The following APOBEC1 variants were observed in gnomAD, a reference collection of about 807,000 sequenced individuals.
The protein encoded by APOBEC1 is C->U-editing enzyme APOBEC-1.
A neutral mutation model predicts 26.3 loss-of-function variants in APOBEC1; 22 were observed. That is an observed-to-expected ratio of 0.84 (90% confidence interval 0.60 to 1.19). The LOEUF (loss-of-function observed/expected upper bound fraction) is 1.19. APOBEC1 is among the 50% of genes most tolerant of loss of function. The pLI, the probability that APOBEC1 is intolerant of heterozygous loss-of-function variation, is 0.00. For missense variants in APOBEC1, 253 were observed against 289.0 expected (o/e 0.88, Z 0.90); for synonymous variants, 77 against 95.3 (o/e 0.81, Z 1.12).
chr12:7,660,390 A>AGGAC (rs1565442438), intron 1 of APOBEC1, among the ~76,000 whole-genome samples: 46 of 101,414 alleles, frequency 4.5e-4, no homozygotes, highest in Non-Finnish European at 7.9e-4. Flanking sequence ...GAAAGAAAGA[A>AGGAC]AGAAAGAAAG....
At chr12:7,665,808 A>G (rs1389109322) in intron 1 of APOBEC1, 49 bp downstream of exon 1, 1 of 1,271,288 alleles carries the variant, frequency 7.9e-7, no homozygotes, top group African/African-American at 1.8e-5. Flanking sequence ...CACACACACC[A>G]TTCTTGCATT....
At chr12:7,667,378 T>C (rs1410151007), upstream of APOBEC1, among the ~76,000 whole-genome samples, 1 of 152,130 alleles carries the variant, frequency 6.6e-6, no homozygotes, top group Non-Finnish European at 1.5e-5. Flanking sequence ...CTCCCTCTAG[T>C]GTCTCAAATC....
intron 1 of APOBEC1, among the ~76,000 whole-genome samples, chr12:7,657,588 C>G (rs939109296): frequency 8.5e-6 from 1 of 117,956 alleles, no homozygotes; most frequent in Non-Finnish European, 2.0e-5. Context: ...AAAAAACAAA[C>G]CAGGCTGTAG....
chr12:7,653,151 C>T (rs183088817), intron 2 of APOBEC1, among the ~76,000 whole-genome samples: 10 of 152,064 alleles, frequency 6.6e-5, no homozygotes, highest in Admixed American at 2.0e-4. Flanking sequence ...AGGCTGGTCT[C>T]AAACTCCTGA....
chr12:7,660,346 A>AGGAG (rs1863791137), intron 1 of APOBEC1, among the ~76,000 whole-genome samples: 1 of 29,472 alleles, frequency 3.4e-5, no homozygotes, highest in Non-Finnish European at 1.3e-4. Flanking sequence ...GAAGGAAGGA[A>AGGAG]GGAAGGAAGG....
chr12:7,652,666 A>G lies in APOBEC1; in HGVS notation c.214T>C (p.Ser72Pro), dbSNP rs1481111155. 13 of 1,613,978 alleles carry G rather than the reference A, an allele frequency of 8.1e-6. No homozygotes were observed. The Admixed American group carries it at 2.2e-4, about 27-fold the overall frequency. ...ATGGATGGGTGAAAATCTCTTTCTG[A>G]CGTAAATTTTTTTATAAAATTAACT... is the stretch of plus-strand genomic sequence containing the variant. ...VEVNFIKKFT[S>P]ERDFHPSMSC... Residue 72 changes from serine to proline, a missense_variant, in exon 3 of 5, where the codon TCA (serine) becomes CCA (proline). By Grantham distance (74) the Ser-to-Pro change is moderately conservative (BLOSUM62 -1). Transcript: ENST00000229304.
chr12:7,654,385 T>TC (rs1251445513), intron 2 of APOBEC1, among the ~76,000 whole-genome samples: 1 of 150,852 alleles, frequency 6.6e-6, no homozygotes, highest in Non-Finnish European at 1.5e-5. Context: ...TTTTTTTTTT[T>TC]TTTTGAGACA....
chr12:7,660,523 G>A (rs1278744797), intron 1 of APOBEC1, among the ~76,000 whole-genome samples: 2 of 151,202 alleles, frequency 1.3e-5, no homozygotes, highest in Non-Finnish European at 3.0e-5. Context: ...GCCTAACATG[G>A]TGAAACCCCG....
At chr12:7,651,869 G>A (rs1428413170) in intron 3 of APOBEC1, among the ~76,000 whole-genome samples, 1 of 151,538 alleles carries the variant, frequency 6.6e-6, no homozygotes, top group Non-Finnish European at 1.5e-5. Flanking sequence ...CGCCCAGGCT[G>A]GAGTGCAGTG....
In APOBEC1 at chr12:7,654,651, T is replaced by C; in HGVS notation, c.17-19A>G. The C allele has an allele frequency of 6.2e-7, 1 of 1,613,316 alleles. No homozygotes were observed. The highest frequency in any genetic ancestry group is 2.2e-5 in the East Asian group (1 of 44,882). On this transcript the variant is annotated intron_variant, in intron 1 of 4. Transcript: ENST00000229304. Reference sequence around the variant, plus strand: ...GAAGGACCTGTTGACCAAGATATGATTATGTCAAACAACACTCAAATATCA... The same window carrying C: ...GAAGGACCTGTTGACCAAGATATGACTATGTCAAACAACACTCAAATATCA...
intron 3 of APOBEC1, among the ~76,000 whole-genome samples, chr12:7,651,986 A>G (rs1373934291): frequency 6.6e-6 from 1 of 151,676 alleles, no homozygotes; most frequent in Non-Finnish European, 1.5e-5. Flanking sequence ...ACGCCTGGCT[A>G]ATTTTTTTGT....
intron 1 of APOBEC1, among the ~76,000 whole-genome samples, chr12:7,659,331 A>ATATATG (rs1304878080): frequency 2.1e-5 from 2 of 97,212 alleles, no homozygotes; most frequent in African/African-American, 8.2e-5. Context: ...AAATATATAT[A>ATATATG]TATATATATA....
At position 7,651,138 on chromosome 12, in the gene APOBEC1, T is replaced by C. The variant is rs1433431772; in HGVS notation, c.446A>G (p.Tyr149Cys). 1 of 1,607,656 alleles carries C rather than the reference T, an allele frequency of 6.2e-7. No individual in the cohort carries two copies. The highest frequency in any genetic ancestry group is 1.3e-5 in the African/African-American group (1 of 74,740). Residue 149 changes from tyrosine to cysteine, a missense_variant, in exon 4 of 5, where the codon TAT becomes TGT. Physicochemically the swap from Tyr to Cys is radical, Grantham distance 194. Transcript: ENST00000229304. The part of the protein sequence containing the change: ...VTIQIMRASE[Y>C]YHCWRNFVNY... ...GACAAAATTCCTCCAGCAGTGATAA[T>C]ACTCTAAGGAAACACAAATCTTGGC...
rs1040037923 is a variant in APOBEC1, at chr12:7,654,076, C to G, written c.44+529G>C. ...TTAACATGACTTCCCTGTCCTATGT[C>G]TGAAAAATGGGCAGACATTATAAAA... On this transcript the variant is annotated intron_variant, in intron 2 of 4. Transcript: ENST00000229304. Among the ~76,000 whole-genome samples, 13 of 152,202 alleles carry G rather than the reference C, an allele frequency of 8.5e-5. No individual in the cohort carries two copies. In the South Asian group the frequency reaches 2.7e-3, roughly 32 times the overall value.
chr12:7,649,459 G>A lies in APOBEC1; in HGVS notation c.*88C>T. ...GCTACAGAGTTTTGGGGTACCTTGTGAACATTTCTAGATTCTAAATGGCAT... is the reference window on the plus strand; with the variant it reads ...GCTACAGAGTTTTGGGGTACCTTGTAAACATTTCTAGATTCTAAATGGCAT... On this transcript the variant is annotated 3_prime_UTR_variant, in exon 5 of 5. Coordinates refer to ENST00000229304, the MANE Select transcript of APOBEC1 (RefSeq NM_001644.5). The A allele has an allele frequency of 7.0e-7, 1 of 1,433,194 alleles. No individual in the cohort carries two copies. The highest frequency in any genetic ancestry group is 9.6e-7 in the Non-Finnish European group (1 of 1,045,566). The allele number at this position is 1,433,194 out of a possible 1,614,324, so 88.8% of individuals were successfully genotyped here.
chr12:7,666,679 T>A (rs1026640137), upstream of APOBEC1, among the ~76,000 whole-genome samples: 1 of 152,146 alleles, frequency 6.6e-6, no homozygotes, highest in African/African-American at 2.4e-5. Flanking sequence ...TTGAAAATTT[T>A]TATGTTATCT....
intron 1 of APOBEC1, among the ~76,000 whole-genome samples, chr12:7,659,316 AAAAAAAATATATATATAT>A (rs1383338128): frequency 1.2e-5 from 1 of 85,264 alleles, no homozygotes; most frequent in Non-Finnish European, 2.1e-5. Context: ...AAAAAAAAAA[AAAAAAAATATATATATAT>A]ATATATATAT....
intron 1 of APOBEC1, among the ~76,000 whole-genome samples, chr12:7,663,741 G>C (rs945308984): frequency 6.6e-6 from 1 of 152,106 alleles, no homozygotes; most frequent in Non-Finnish European, 1.5e-5. Flanking sequence ...CACATGACTG[G>C]GGACAGTTTG....
intron 1 of APOBEC1, among the ~76,000 whole-genome samples, chr12:7,657,209 GA>G (rs1042145263): frequency 1.3e-5 from 2 of 152,166 alleles, no homozygotes; most frequent in African/African-American, 4.8e-5. Context: ...TACTACCCTT[GA>G]ATTGAGCCTC....
Sources: allele counts gnomAD v4.1 joint callset (sites outside exome capture counted in the v4.1 genomes callset), GRCh38; gene constraint gnomAD v4.1.1; transcripts MANE v1.5; gene names NCBI Gene and HGNC (gene_info 2026-07-23, HGNC 2026-07-21).